The following POU6F2 variants were observed in gnomAD, a reference collection of about 807,000 sequenced individuals.
The protein encoded by POU6F2 is POU domain, class 6, transcription factor 2.
POU6F2 carries 31 observed loss-of-function variants against 71.3 expected under a neutral mutation model. That is an observed-to-expected ratio of 0.43 (90% CI 0.33 to 0.59). The LOEUF is 0.59. Among genes scored for constraint, POU6F2 ranks in the 20% least tolerant of loss-of-function variants. The pLI is 0.04. For missense variants in POU6F2, 783 were observed against 856.8 expected, an observed-to-expected ratio of 0.91 and a Z score of 1.07; for synonymous variants, 347 against 355.7, an observed-to-expected ratio of 0.98 and a Z score of 0.27.
chr7:39,179,144 A>G (rs1793385154), intron 2 of POU6F2, among the ~76,000 whole-genome samples: 2 of 152,210 alleles, frequency 1.3e-5, no homozygotes, highest in Admixed American at 6.5e-5. Flanking sequence ...AAGAAAATTT[A>G]AAGTCACTGC....
intron 4 of POU6F2, among the ~76,000 whole-genome samples, chr7:39,279,267 G>A (rs956207622): frequency 1.3e-5 from 2 of 149,880 alleles, no homozygotes; most frequent in East Asian, 4.0e-4. Context: ...CGAGTTCCAA[G>A]CCCCAACACA....
chr7:39,195,608 C>T (rs1432489373), intron 2 of POU6F2, among the ~76,000 whole-genome samples: 2 of 151,514 alleles, frequency 1.3e-5, no homozygotes, highest in East Asian at 1.9e-4. Context: ...CCTCTTTAGG[C>T]TTCGGTTTCC....
In POU6F2 at chr7:39,465,078, AAAAACT is replaced by A. The variant is rs1562563196; in HGVS notation, c.*396_*401del. On this transcript the variant is annotated 3_prime_UTR_variant, in exon 10 of 10. Coordinates refer to ENST00000518318, the MANE Select transcript of POU6F2 (RefSeq NM_001370959.1). The stretch of plus-strand genomic sequence containing the variant: ...ACACATTTTAAGGAAAAAGAAAAAA[AAAAACT>A]AAACCAAAAACCAACAACGAAGGAA... 1 of 172,610 alleles carries A rather than the reference AAAAACT, an allele frequency of 5.8e-6. No homozygotes were observed. The highest frequency in any genetic ancestry group is 1.5e-4 in the East Asian group (1 of 6,528). 10.7% of individuals were successfully genotyped at this position (172,610 alleles called of 1,614,324 possible).
At chr7:38,994,715 C>A (rs1215090617) in intron 1 of POU6F2, among the ~76,000 whole-genome samples, 1 of 150,862 alleles carries the variant, frequency 6.6e-6, no homozygotes, top group Admixed American at 6.6e-5. Context: ...ACTACTCTTC[C>A]CCTCCCTGGT....
At chr7:39,139,885 C>A (rs936675563) in intron 2 of POU6F2, among the ~76,000 whole-genome samples, 2 of 152,240 alleles carry the variant, frequency 1.3e-5, no homozygotes, top group Admixed American at 6.5e-5. Flanking sequence ...AGGAAAGACT[C>A]AAGAACAATC....
At chr7:39,172,795 A>T (rs912940766) in intron 2 of POU6F2, among the ~76,000 whole-genome samples, 1 of 151,872 alleles carries the variant, frequency 6.6e-6, no homozygotes, top group African/African-American at 2.4e-5. Flanking sequence ...TAATTTTTGT[A>T]TTATTTGTAG....
chr7:39,109,863 AT>A (rs1348707684), intron 2 of POU6F2, among the ~76,000 whole-genome samples: 1 of 152,212 alleles, frequency 6.6e-6, no homozygotes, highest in East Asian at 1.9e-4. Context: ...TATCTCTCTA[AT>A]TCTACCATGA....
At chr7:39,160,944 G>A (rs1020846629) in intron 2 of POU6F2, among the ~76,000 whole-genome samples, 1 of 152,174 alleles carries the variant, frequency 6.6e-6, no homozygotes, top group African/African-American at 2.4e-5. Context: ...CTGTTAAATA[G>A]ATGTTGAATT....
At chr7:39,453,331 A>G (rs1193508633) in intron 8 of POU6F2, among the ~76,000 whole-genome samples, 2 of 152,214 alleles carry the variant, frequency 1.3e-5, no homozygotes, top group African/African-American at 2.4e-5. Flanking sequence ...TTCCTCGGGA[A>G]GAGTCAAACT....
At chr7:39,459,218 T>G (rs1412393433) in intron 8 of POU6F2, among the ~76,000 whole-genome samples, 1 of 152,162 alleles carries the variant, frequency 6.6e-6, no homozygotes, top group African/African-American at 2.4e-5. Flanking sequence ...AAATTATGAG[T>G]AATGACATTC....
chr7:39,003,717 C>T (rs1225888094), intron 1 of POU6F2, among the ~76,000 whole-genome samples: 1 of 151,300 alleles, frequency 6.6e-6, no homozygotes, highest in Non-Finnish European at 1.5e-5. Flanking sequence ...CCACTGAACT[C>T]CAGCCTGGGC....
At chr7:39,224,376 CAA>C (rs113802081) in intron 4 of POU6F2, among the ~76,000 whole-genome samples, 33 of 131,784 alleles carry the variant, frequency 2.5e-4, no homozygotes, top group Admixed American at 2.3e-4. Context: ...CACTTAAAAC[CAA>C]AAAAAAAAAA....
At chr7:39,205,036 A>C (rs541008096) in intron 3 of POU6F2, among the ~76,000 whole-genome samples, 1 of 151,444 alleles carries the variant, frequency 6.6e-6, no homozygotes, top group East Asian at 2.0e-4. Context: ...CCTGGAAGTT[A>C]ATGACTTTAA....
At position 39,375,857 on chromosome 7, in the gene POU6F2, GT is replaced by G. The variant is rs796954719; in HGVS notation, c.973-30737del. On this transcript the variant is annotated intron_variant, in intron 5 of 9. Coordinates refer to ENST00000518318, the MANE Select transcript of POU6F2 (RefSeq NM_001370959.1). ...GCAGAAAGAGCAATTTGGGGGTGGAGTTTTTTGTTGTTGTTGTTGTTTCTCT... is the reference window on the plus strand; with the variant it reads ...GCAGAAAGAGCAATTTGGGGGTGGAGTTTTTGTTGTTGTTGTTGTTTCTCT... Among the ~76,000 whole-genome samples the G allele has an allele frequency of 8.5e-5, 13 of 152,178 alleles. No homozygotes were observed. In the East Asian group the frequency reaches 2.5e-3, roughly 29 times the overall value.
intron 1 of POU6F2, among the ~76,000 whole-genome samples, chr7:39,036,142 A>G (rs1248977464): frequency 1.1e-4 from 17 of 152,102 alleles, no homozygotes. Flanking sequence ...GTCTGTGATG[A>G]AGGGTCTTTT....
At chr7:39,039,756 A>G (rs1405181668) in intron 1 of POU6F2, among the ~76,000 whole-genome samples, 1 of 151,352 alleles carries the variant, frequency 6.6e-6, no homozygotes, top group African/African-American at 2.4e-5. Context: ...TATCCCATGA[A>G]AGGTATGTCT....
At chr7:39,308,311 A>G (rs778030043) in intron 4 of POU6F2, among the ~76,000 whole-genome samples, 22 of 152,212 alleles carry the variant, frequency 1.4e-4, no homozygotes, top group African/African-American at 4.3e-4. Context: ...ATGGGGATCA[A>G]TGTGGAAAAA....
Position 39,008,371 on chromosome 7 carries a change from G to A in POU6F2, c.105+30313G>A, listed in dbSNP as rs534296277. On this transcript the variant is annotated intron_variant, in intron 1 of 9. Coordinates refer to ENST00000518318, the MANE Select transcript of POU6F2 (RefSeq NM_001370959.1). The stretch of plus-strand genomic sequence containing the variant: ...TGTCCTTCGCCCACTTTTTGATGGG[G>A]TTGTTTTTTCTTGTAAATTTGTTTG... Among the ~76,000 whole-genome samples the A allele has an allele frequency of 5.3e-5, 8 of 152,040 alleles. No homozygotes were observed. The South Asian group carries it at 1.2e-3, about 24-fold the overall frequency.
intron 5 of POU6F2, among the ~76,000 whole-genome samples, chr7:39,398,317 A>C (rs1282118573): frequency 1.3e-5 from 2 of 152,150 alleles, no homozygotes; most frequent in Non-Finnish European, 1.5e-5. Context: ...GTTGTGAAAT[A>C]AACAAGACTA....
Sources: allele counts gnomAD v4.1 joint callset (sites outside exome capture counted in the v4.1 genomes callset), GRCh38; gene constraint gnomAD v4.1.1; transcripts MANE v1.5; gene names NCBI Gene and HGNC (gene_info 2026-07-23, HGNC 2026-07-21).